DPP10: variants seen among roughly 807,000 people sequenced by gnomAD.
DPP10 encodes dipeptidyl peptidase like 10, also known as inactive dipeptidyl peptidase 10.
A neutral mutation model predicts 120.9 loss-of-function variants in DPP10; 33 were observed. The ratio of observed to expected loss-of-function variants is 0.27; its 90% CI spans 0.21 to 0.37. The LOEUF is 0.37. DPP10 is among the 10% of genes least tolerant of loss of function. DPP10 has a pLI of 1.00. For synonymous variants in DPP10, 337 were observed against 326.1 expected (o/e 1.03, Z -0.36); for missense variants, 816 against 942.8 (o/e 0.87, Z 1.76).
chr2:115,544,383 GC>G (rs1352527778), intron 5 of DPP10, among the ~76,000 whole-genome samples: 3 of 151,520 alleles, frequency 2.0e-5, no homozygotes, highest in Admixed American at 6.6e-5. Flanking sequence ...GTCTTTTCAT[GC>G]CGAGATCAAT....
chr2:115,177,911 C>CGGG (rs2053812576), intron 1 of DPP10, among the ~76,000 whole-genome samples: 2 of 152,000 alleles, frequency 1.3e-5, no homozygotes, highest in Non-Finnish European at 2.9e-5. Flanking sequence ...CTACAGGTGC[C>CGGG]CGCCACCACG....
At chr2:115,809,068 G>A (rs1264582807) in intron 19 of DPP10, among the ~76,000 whole-genome samples, 1 of 152,136 alleles carries the variant, frequency 6.6e-6, no homozygotes, top group Non-Finnish European at 1.5e-5. Context: ...TGGGAATGTG[G>A]ACAAGAAACA....
chr2:115,787,345 G>C (rs761522490), intron 17 of DPP10, among the ~76,000 whole-genome samples: 2 of 152,134 alleles, frequency 1.3e-5, no homozygotes, highest in Non-Finnish European at 2.9e-5. Context: ...CAGTAAATTA[G>C]CTGTTACAAA....
intron 3 of DPP10, among the ~76,000 whole-genome samples, chr2:115,351,011 T>C (rs2063993242): frequency 6.6e-6 from 1 of 152,092 alleles, no homozygotes; most frequent in Admixed American, 6.6e-5. Flanking sequence ...ACTAGCAATC[T>C]TATTAATGGG....
intron 7 of DPP10, among the ~76,000 whole-genome samples, chr2:115,711,258 G>A (rs1176836546): frequency 6.6e-6 from 1 of 152,042 alleles, no homozygotes; most frequent in Admixed American, 6.6e-5. Flanking sequence ...AAGAAATAGA[G>A]ACCTTACAAA....
chr2:114,610,406 G>A (rs1259836651), intron 1 of DPP10, among the ~76,000 whole-genome samples: 4 of 152,116 alleles, frequency 2.6e-5, no homozygotes, highest in Non-Finnish European at 5.9e-5. Context: ...CTGATGGGAA[G>A]CCAGGGTTGA....
chr2:115,630,689 T>G (rs1473595361), intron 5 of DPP10, among the ~76,000 whole-genome samples: 1 of 152,236 alleles, frequency 6.6e-6, no homozygotes, highest in African/African-American at 2.4e-5. Context: ...TAGTTCTGTT[T>G]ATGTGATGAA....
intron 1 of DPP10, among the ~76,000 whole-genome samples, chr2:115,292,105 A>G (rs2060681496): frequency 6.6e-6 from 1 of 152,158 alleles, no homozygotes; most frequent in Admixed American, 6.5e-5. Context: ...AGATAATGCC[A>G]TGTATGTATC....
chr2:115,200,428 A>G (rs1440623146), intron 1 of DPP10, among the ~76,000 whole-genome samples: 1 of 152,140 alleles, frequency 6.6e-6, no homozygotes, highest in Non-Finnish European at 1.5e-5. Flanking sequence ...CTAGCATTTA[A>G]TTTTTTATAT....
chr2:115,348,740 G>A (rs1023023896), intron 3 of DPP10, among the ~76,000 whole-genome samples: 1 of 151,930 alleles, frequency 6.6e-6, no homozygotes, highest in Admixed American at 6.6e-5. Context: ...AAATACATTT[G>A]GGTTCCAGTG....
intron 3 of DPP10, among the ~76,000 whole-genome samples, chr2:115,437,899 G>A (rs114883700): frequency 0.011 from 1,700 of 152,132 alleles, 34 homozygotes; most frequent in African/African-American, 0.04. Context: ...TGTAACATAT[G>A]TCTCATTTTA....
At chr2:114,802,096 T>A (rs1398465109) in intron 1 of DPP10, among the ~76,000 whole-genome samples, 1 of 152,154 alleles carries the variant, frequency 6.6e-6, no homozygotes, top group Non-Finnish European at 1.5e-5. Context: ...TGTCATTTAA[T>A]GTGTCAGCCT....
intron 3 of DPP10, among the ~76,000 whole-genome samples, chr2:115,361,427 T>C (rs969559727): frequency 1.3e-5 from 2 of 151,994 alleles, no homozygotes; most frequent in African/African-American, 2.4e-5. Context: ...ATGCTCTTGA[T>C]GGAGTGGTCA....
intron 1 of DPP10, among the ~76,000 whole-genome samples, chr2:114,677,512 T>C (rs1218739641): frequency 1.3e-5 from 2 of 152,140 alleles, no homozygotes; most frequent in African/African-American, 2.4e-5. Flanking sequence ...CTGAGTGTTG[T>C]GCTAGCCACT....
rs140768877 is a variant in DPP10, at chr2:114,889,846, T to C, written c.61-419393T>C. Among the ~76,000 whole-genome samples, 460 of 152,358 alleles carry C rather than the reference T, an allele frequency of 3.0e-3. 2 individuals carry two copies. Among genetic ancestry groups the C allele is most frequent in the Admixed American group, 7.1e-3 (109 of 15,306 alleles). ...TTGCAGTATAAAGCAATATTTTAAT[T>C]GAGAAGCATTTGACAAAACAGAAAT... On this transcript the variant is annotated intron_variant, in intron 1 of 25. Coordinates refer to ENST00000410059, the MANE Select transcript of DPP10 (RefSeq NM_020868.6).
At chr2:114,914,720 T>G (rs559383313) in intron 1 of DPP10, among the ~76,000 whole-genome samples, 1 of 152,122 alleles carries the variant, frequency 6.6e-6, no homozygotes, top group Non-Finnish European at 1.5e-5. Context: ...TAAACCCAAA[T>G]GGGCTAACTG....
chr2:115,296,613 C>T (rs752202624), intron 1 of DPP10, among the ~76,000 whole-genome samples: 1 of 152,018 alleles, frequency 6.6e-6, no homozygotes, highest in Non-Finnish European at 1.5e-5. Context: ...TGATCTTTAG[C>T]GTTTCTAACA....
chr2:115,584,290 T>C (rs936335968), intron 5 of DPP10, among the ~76,000 whole-genome samples: 3 of 152,184 alleles, frequency 2.0e-5, no homozygotes, highest in Non-Finnish European at 4.4e-5. Context: ...AATAAAACCA[T>C]TATCTACAGC....
At chr2:115,188,587 G>T (rs887537957) in intron 1 of DPP10, among the ~76,000 whole-genome samples, 2 of 152,100 alleles carry the variant, frequency 1.3e-5, no homozygotes, top group Admixed American at 1.3e-4. Context: ...CACACATAAA[G>T]ATCCTTATAC....
Sources: allele counts gnomAD v4.1 joint callset (sites outside exome capture counted in the v4.1 genomes callset), GRCh38; gene constraint gnomAD v4.1.1; transcripts MANE v1.5; gene names NCBI Gene and HGNC (gene_info 2026-07-23, HGNC 2026-07-21).